Variants in RAP1GAP observed in about 807,000 individuals in gnomAD.
RAP1GAP encodes the protein RAP1 GTPase activating protein.
A neutral mutation model predicts 87.2 loss-of-function variants in RAP1GAP; 35 were observed. The ratio of observed to expected loss-of-function variants is 0.40; its 90% CI spans 0.31 to 0.53. The LOEUF (loss-of-function observed/expected upper bound fraction) is 0.53. Among genes scored for constraint, RAP1GAP ranks in the 20% least tolerant of loss-of-function variants. RAP1GAP has a pLI of 0.48. For missense variants in RAP1GAP, 734 were observed against 898.9 expected (o/e 0.82, Z 2.35); for synonymous variants, 375 against 363.9 (o/e 1.03, Z -0.35).
Position 21,668,064 on chromosome 1 carries a change from G to A in RAP1GAP, c.-149+1190C>T, listed in dbSNP as rs1470478871. ...GTGCCAGTCCAGAAGCCCATTCAGG[G>A]ACACCTTTGGCCAATGTTCTGTTTC... On this transcript the variant is annotated intron_variant, in intron 1 of 24. Coordinates refer to ENST00000374765, the MANE Select transcript of RAP1GAP (RefSeq NM_002885.4). The surrounding 1 kb of genome is among the most constrained non-coding windows in gnomAD (Gnocchi z 6.2). Among the ~76,000 whole-genome samples the A allele has an allele frequency of 2.0e-5, 3 of 152,166 alleles. No homozygotes were observed. The highest frequency in any genetic ancestry group is 7.2e-5 in the African/African-American group (3 of 41,438).
chr1:21,625,604 CAT>C (rs2091638676), intron 3 of RAP1GAP, among the ~76,000 whole-genome samples: 2 of 152,318 alleles, frequency 1.3e-5, no homozygotes, highest in South Asian at 4.1e-4. Flanking sequence ...GTAGCTATCA[CAT>C]AGTCCAAGGA....
intron 7 of RAP1GAP, among the ~76,000 whole-genome samples, chr1:21,616,657 C>T (rs530028445): frequency 1.3e-4 from 20 of 152,350 alleles, no homozygotes; most frequent in Admixed American, 9.8e-4. Context: ...GCTCCCACAA[C>T]ACTCTGACAA....
At chr1:21,642,604 C>T (rs2095622952) in intron 2 of RAP1GAP, among the ~76,000 whole-genome samples, 1 of 152,104 alleles carries the variant, frequency 6.6e-6, no homozygotes, top group Non-Finnish European at 1.5e-5. Context: ...ACAGCAGCTC[C>T]TTGGAGCAGG....
chr1:21,620,864 TCTC>T (rs1558729749), intron 3 of RAP1GAP, among the ~76,000 whole-genome samples: 1 of 151,956 alleles, frequency 6.6e-6, no homozygotes, highest in African/African-American at 2.4e-5. Flanking sequence ...TCTCTCTCTC[TCTC>T]TCTCCATCTT....
At chr1:21,602,751 G>A in intron 19 of RAP1GAP, 53 bp downstream of exon 19, 1 of 1,488,232 alleles carries the variant, frequency 6.7e-7, no homozygotes, top group Admixed American at 1.8e-5. Context: ...CCACCGAATG[G>A]GGCTCAGGGA....
chr1:21,616,758 G>C (rs561030464), intron 7 of RAP1GAP, among the ~76,000 whole-genome samples: 5 of 152,354 alleles, frequency 3.3e-5, no homozygotes, highest in African/African-American at 1.2e-4. Flanking sequence ...ACTCCAAGCT[G>C]CCCAAAGGGA....
At chr1:21,610,824 C>T (rs12083062) in intron 13 of RAP1GAP, among the ~76,000 whole-genome samples, 11,443 of 152,184 alleles carry the variant, frequency 0.075, 565 homozygotes, top group African/African-American at 0.12. Flanking sequence ...CCTTAGTAAA[C>T]GAAAGTCAAA....
intron 2 of RAP1GAP, chr1:21,626,886 C>T (rs2092336550): frequency 2.2e-6 from 1 of 456,824 alleles, no homozygotes. Flanking sequence ...CTGTGCTGAG[C>T]CCTCGTTCTA....
chr1:21,610,204 C>T lies in RAP1GAP; in HGVS notation c.915G>A (p.Val305=), dbSNP rs771394287. 6.2e-7 allele frequency: 1 copy of T among 1,614,162 alleles called. No homozygotes were observed. The highest frequency in any genetic ancestry group is 1.1e-5 in the South Asian group (1 of 91,076). The part of the protein sequence containing the change: ...VVFQDENTPF[V]PDMIASNFLH... ...GGAAGTTGGACGCGATCATGTCGGG[C>T]ACGAAAGGAGTGTTCTCATCCTGGA... is the stretch of plus-strand genomic sequence containing the variant. The change falls in exon 14 of 25, where the codon GTG becomes GTA. Residue 305 remains valine, a synonymous_variant. Coordinates refer to ENST00000374765, the MANE Select transcript of RAP1GAP (RefSeq NM_002885.4).
chr1:21,597,538 C>T, intron 24 of RAP1GAP, 148 bp downstream of exon 24: 1 of 787,864 alleles, frequency 1.3e-6, no homozygotes, highest in Non-Finnish European at 2.0e-6. Flanking sequence ...CTGCCCAAGT[C>T]ACCCAGCAAC....
intron 2 of RAP1GAP, chr1:21,627,006 G>A (rs1570938877): frequency 2.2e-6 from 1 of 456,704 alleles, no homozygotes; most frequent in Admixed American, 2.3e-5. Flanking sequence ...GCATCTGCAT[G>A]AGACCTGCCT....
intron 1 of RAP1GAP, among the ~76,000 whole-genome samples, chr1:21,660,339 C>CCATATATATATATA (rs1553503814): frequency 1.3e-4 from 7 of 52,828 alleles, no homozygotes; most frequent in South Asian, 6.5e-4. Flanking sequence ...TCCAACTCAG[C>CCATATATATATATA]TATATATATT....
rs1460442768 is a variant in RAP1GAP at position 21,622,396 on chromosome 1, G to A, written c.-18-2346C>T. The A allele has an allele frequency of 5.1e-5, 21 of 412,184 alleles. 1 individual carries two copies. In the South Asian group the frequency reaches 9.9e-4, roughly 19 times the overall value. The allele number at this position is 412,184 out of a possible 1,614,324, so 25.5% of individuals were successfully genotyped here. ...TCCGCGGACGGCCGGGTGGCACCGC[G>A]GGCCGCAGCTGTGCCATCCTGAGCG... On this transcript the variant is annotated intron_variant, in intron 3 of 24. Coordinates refer to ENST00000374765, the MANE Select transcript of RAP1GAP (RefSeq NM_002885.4). The surrounding 1 kb of genome is among the most constrained non-coding windows in gnomAD (Gnocchi z 5.7).
At chr1:21,628,689 C>T in intron 2 of RAP1GAP, among the ~76,000 whole-genome samples, 1 of 151,942 alleles carries the variant, frequency 6.6e-6, no homozygotes, top group East Asian at 1.9e-4. Flanking sequence ...CACTGCACTC[C>T]AGCCTGGCGA....
intron 1 of RAP1GAP, among the ~76,000 whole-genome samples, chr1:21,661,096 A>G (rs2097138480): frequency 6.6e-6 from 1 of 152,164 alleles, no homozygotes; most frequent in African/African-American, 2.4e-5. Flanking sequence ...TAGTAAAAAT[A>G]CAAAAATTAG....
At chr1:21,612,194 G>C in intron 10 of RAP1GAP, 85 bp from the exon 11 acceptor site, 1 of 1,043,840 alleles carries the variant, frequency 9.6e-7, no homozygotes, top group Non-Finnish European at 1.5e-6. Flanking sequence ...CACTGAGCCA[G>C]GCGCTCTACA....
chr1:21,656,702 G>A (rs1343101556), intron 1 of RAP1GAP, among the ~76,000 whole-genome samples: 1 of 152,160 alleles, frequency 6.6e-6, no homozygotes, highest in African/African-American at 2.4e-5. Flanking sequence ...CTCTGCCCTG[G>A]CTCTGAGACT....
In RAP1GAP at chr1:21,603,416, A is replaced by C. The variant is rs1055027651; in HGVS notation, c.1429-503T>G. 5 of 551,296 alleles carry C rather than the reference A, an allele frequency of 9.1e-6. No homozygotes were observed. The highest frequency in any genetic ancestry group is 7.6e-5 in the African/African-American group (4 of 52,486). 34.2% of individuals were successfully genotyped at this position (551,296 alleles called of 1,614,324 possible). A position where few individuals can be genotyped will look rare whatever the true frequency, so the allele number is the denominator to read the frequency against. On this transcript the variant is annotated intron_variant, in intron 18 of 24. Transcript: ENST00000374765. This position sits in a 1 kb window ranked among gnomAD's most constrained non-coding sequence, Gnocchi z 6.0. Reference sequence around the variant, plus strand: ...GTGCTGGGATGCCCCAGGCCCCAGAAGCCCGCCCCCAGCTTCTCTGGAGGC... The same window carrying C: ...GTGCTGGGATGCCCCAGGCCCCAGACGCCCGCCCCCAGCTTCTCTGGAGGC...
At chr1:21,621,242 G>A (rs1478276034) in intron 3 of RAP1GAP, among the ~76,000 whole-genome samples, 1 of 152,176 alleles carries the variant, frequency 6.6e-6, no homozygotes, top group African/African-American at 2.4e-5. Context: ...CACAGAGGCG[G>A]GCAGGTGTGT....
Sources: gnomAD v4.1 joint callset for allele counts (sites outside exome capture counted in the v4.1 genomes callset) on GRCh38, gnomAD v4.1.1 for gene constraint, Gnocchi (gnomAD v3.1) non-coding constraint, MANE v1.5 for transcripts, NCBI Gene and HGNC (gene_info 2026-07-23, HGNC 2026-07-21) for gene names.